Variants in NKAIN3 observed in about 807,000 individuals in gnomAD.
NKAIN3 encodes sodium/potassium transporting ATPase interacting 3.
Under a neutral mutation model 30.2 loss-of-function variants are expected in NKAIN3, and 25 were observed. The ratio of observed to expected loss-of-function variants is 0.83; its 90% CI spans 0.60 to 1.16. The LOEUF is 1.16. Among genes scored for constraint, NKAIN3 ranks in the 50% most tolerant of loss-of-function variants. The probability of loss-of-function intolerance (pLI) is 0.00; values close to 1 mark genes in which losing one functional copy is unlikely to be tolerated. For missense variants in NKAIN3, 225 were observed against 254.1 expected, an observed-to-expected ratio of 0.89 and a Z score of 0.78; for synonymous variants, 91 against 89.6, an observed-to-expected ratio of 1.02 and a Z score of -0.09.
chr8:62,934,054 T>G (rs1822706228), intron 5 of NKAIN3, among the ~76,000 whole-genome samples: 1 of 152,178 alleles, frequency 6.6e-6, no homozygotes, highest in Admixed American at 6.5e-5. Flanking sequence ...TAAAAAGAAC[T>G]GAGTGACTCT....
intron 1 of NKAIN3, among the ~76,000 whole-genome samples, chr8:62,261,820 T>C (rs898799030): frequency 1.3e-5 from 2 of 152,252 alleles, no homozygotes; most frequent in African/African-American, 4.8e-5. Context: ...CCTCTTGTGC[T>C]TCAAATTCCA....
chr8:62,995,231 A>G (rs903338980), intron 5 of NKAIN3, among the ~76,000 whole-genome samples: 2 of 152,270 alleles, frequency 1.3e-5, no homozygotes, highest in Non-Finnish European at 2.9e-5. Flanking sequence ...TTAAGCAAAT[A>G]AACCCCAATT....
chr8:62,783,903 C>T (rs576706337), intron 4 of NKAIN3, among the ~76,000 whole-genome samples: 53 of 152,114 alleles, frequency 3.5e-4, no homozygotes, highest in Non-Finnish European at 6.3e-4. Flanking sequence ...CTTCAGCCTC[C>T]CAAAGTGCTG....
At chr8:62,907,848 T>G (rs915204474) in intron 4 of NKAIN3, among the ~76,000 whole-genome samples, 18 of 152,204 alleles carry the variant, frequency 1.2e-4, no homozygotes, top group African/African-American at 4.3e-4. Flanking sequence ...TCTCTGCTAG[T>G]GCAGTGCACA....
intron 3 of NKAIN3, among the ~76,000 whole-genome samples, chr8:62,686,791 C>T (rs1055456925): frequency 1.3e-5 from 2 of 152,114 alleles, no homozygotes. Context: ...ACTTCTTGTG[C>T]CTTATATCTC....
intron 1 of NKAIN3, among the ~76,000 whole-genome samples, chr8:62,343,515 A>C (rs1042322071): frequency 1.3e-5 from 2 of 152,074 alleles, no homozygotes; most frequent in Non-Finnish European, 2.9e-5. Flanking sequence ...CAAGTGTTTA[A>C]AAATGTATTC....
At chr8:62,399,601 G>A (rs1817873330) in intron 1 of NKAIN3, among the ~76,000 whole-genome samples, 1 of 152,208 alleles carries the variant, frequency 6.6e-6, no homozygotes, top group Non-Finnish European at 1.5e-5. Context: ...AAAGAATGGA[G>A]AGTGTGGTAA....
At position 62,520,366 on chromosome 8, in the gene NKAIN3, C is replaced by T. The variant is rs556413269; in HGVS notation, c.55-59173C>T. 1.5e-4 allele frequency among the ~76,000 whole-genome samples: 23 copies of T among 152,156 alleles called. No individual in the cohort carries two copies. The South Asian group carries it at 3.5e-3, about 23-fold the overall frequency. Reference sequence around the variant, plus strand: ...TTAGTTACATAACAAATAGTAAAAACATAAAGTAAAATTAATTTTTATAAT... The same window carrying T: ...TTAGTTACATAACAAATAGTAAAAATATAAAGTAAAATTAATTTTTATAAT... On this transcript the variant is annotated intron_variant, in intron 1 of 6. Transcript: ENST00000623646.
At chr8:62,954,999 T>G (rs1007817506) in intron 6 of NKAIN3, among the ~76,000 whole-genome samples, 7 of 152,172 alleles carry the variant, frequency 4.6e-5, no homozygotes, top group Admixed American at 3.9e-4. Context: ...AATAGTCGCT[T>G]GTATAATAAA....
At chr8:62,706,629 A>C (rs1814530094) in intron 3 of NKAIN3, among the ~76,000 whole-genome samples, 1 of 152,106 alleles carries the variant, frequency 6.6e-6, no homozygotes, top group East Asian at 1.9e-4. Flanking sequence ...AGTATGTCCC[A>C]GTAATCTATC....
chr8:62,383,411 A>G, intron 1 of NKAIN3: 3 of 426,400 alleles, frequency 7.0e-6, no homozygotes, highest in South Asian at 5.1e-5. Context: ...TTCCTGCATT[A>G]GATCCTGGTG....
At chr8:62,596,543 C>T (rs1032272070) in intron 3 of NKAIN3, among the ~76,000 whole-genome samples, 1 of 151,980 alleles carries the variant, frequency 6.6e-6, no homozygotes, top group African/African-American at 2.4e-5. Flanking sequence ...GCATGGAGGA[C>T]GATGTAAGCA....
At chr8:62,891,105 T>G (rs966928819) in intron 4 of NKAIN3, among the ~76,000 whole-genome samples, 15 of 152,170 alleles carry the variant, frequency 9.9e-5, no homozygotes, top group Non-Finnish European at 5.9e-5. Flanking sequence ...CCTGGGTATG[T>G]CTGTGAGGGT....
In NKAIN3 at chr8:62,894,499, AT is replaced by A. The variant is rs1821377916; in HGVS notation, c.472-23952del. ...TTATTATTTGTGTTTGTTTGTTGAT[AT>A]TATCTTCTTGGAATGAAAATTCCAA... On this transcript the variant is annotated intron_variant, in intron 4 of 6. Transcript: ENST00000623646. Among the ~76,000 whole-genome samples, 3 of 152,234 alleles carry A rather than the reference AT, an allele frequency of 2.0e-5. No individual in the cohort carries two copies. In the South Asian group the frequency reaches 6.2e-4, roughly 32 times the overall value.
intron 1 of NKAIN3, among the ~76,000 whole-genome samples, chr8:62,520,817 A>G (rs976310422): frequency 6.6e-6 from 1 of 152,076 alleles, no homozygotes; most frequent in Non-Finnish European, 1.5e-5. Flanking sequence ...AAAACAATAT[A>G]TAGGTCTGGA....
rs1010635755 is a variant in NKAIN3 at position 62,744,557 on chromosome 8, T to C, written c.274-2375T>C. Among the ~76,000 whole-genome samples the C allele has an allele frequency of 2.0e-5, 3 of 152,220 alleles. No homozygotes were observed. The South Asian group carries it at 6.2e-4, about 31-fold the overall frequency. ...GAAATCGCTATGAATTTTGAGATCA[T>C]GCTAGTTCATCTCGAACCTGGTGAA... On this transcript the variant is annotated intron_variant, in intron 3 of 6. Transcript: ENST00000623646.
At chr8:62,594,374 A>G (rs1191204474) in intron 3 of NKAIN3, among the ~76,000 whole-genome samples, 1 of 152,042 alleles carries the variant, frequency 6.6e-6, no homozygotes, top group Non-Finnish European at 1.5e-5. Context: ...CATTCTGCCA[A>G]GAGGGACTCC....
At chr8:62,882,894 G>C (rs189864959) in intron 4 of NKAIN3, among the ~76,000 whole-genome samples, 1 of 152,080 alleles carries the variant, frequency 6.6e-6, no homozygotes, top group South Asian at 2.1e-4. Flanking sequence ...TCTCTATTCT[G>C]TTCCATTGAG....
chr8:62,678,711 T>G (rs1204614077), intron 3 of NKAIN3, among the ~76,000 whole-genome samples: 1 of 150,678 alleles, frequency 6.6e-6, no homozygotes, highest in East Asian at 1.9e-4. Flanking sequence ...TATAATATAA[T>G]GATGTATTAT....
Sources: allele counts gnomAD v4.1 joint callset (sites outside exome capture counted in the v4.1 genomes callset), GRCh38; gene constraint gnomAD v4.1.1; transcripts MANE v1.5; gene names NCBI Gene and HGNC (gene_info 2026-07-23, HGNC 2026-07-21).